TCF4: variants seen among roughly 807,000 people sequenced by gnomAD.
TCF4 encodes SL3-3 enhancer factor 2.
A neutral mutation model predicts 82.1 loss-of-function variants in TCF4; 3 were observed. That is an observed-to-expected ratio of 0.04 (90% CI 0.02 to 0.09). The LOEUF is 0.09. TCF4 is among the 10% of genes least tolerant of loss of function. The pLI, the probability that TCF4 is intolerant of heterozygous loss-of-function variation, is 1.00. For synonymous variants in TCF4, 276 were observed against 309.6 expected, an observed-to-expected ratio of 0.89 and a Z score of 1.14; for missense variants, 518 against 852.7, an observed-to-expected ratio of 0.61 and a Z score of 4.89.
At chr18:55,399,761 G>A (rs984345220) in intron 6 of TCF4, among the ~76,000 whole-genome samples, 2 of 151,968 alleles carry the variant, frequency 1.3e-5, no homozygotes, top group African/African-American at 4.8e-5. Context: ...AACCTGGGGA[G>A]TTGTCAGAAA....
intron 8 of TCF4, among the ~76,000 whole-genome samples, 179 bp downstream of exon 8, chr18:55,350,180 A>C (rs2082035586): frequency 6.6e-6 from 1 of 152,160 alleles, no homozygotes; most frequent in South Asian, 2.1e-4. Flanking sequence ...CAGGATGTGC[A>C]ATTAATCACT....
intron 6 of TCF4, among the ~76,000 whole-genome samples, chr18:55,367,557 A>G (rs1455273994): frequency 6.6e-6 from 1 of 152,234 alleles, no homozygotes. Flanking sequence ...TGTACAACCT[A>G]TAAGGTAATT....
At chr18:55,274,889 G>C (rs541131162) in intron 10 of TCF4, among the ~76,000 whole-genome samples, 3 of 152,234 alleles carry the variant, frequency 2.0e-5, no homozygotes, top group East Asian at 3.9e-4. Context: ...AGTCAGCTGA[G>C]TTGTTTCCTC....
chr18:55,261,928 C>T (rs1384387659), intron 11 of TCF4, among the ~76,000 whole-genome samples: 2 of 152,178 alleles, frequency 1.3e-5, no homozygotes, highest in Non-Finnish European at 2.9e-5. Context: ...CAAATAACTT[C>T]CATCTGTTTT....
Position 55,588,049 on chromosome 18 carries a change from G to T in TCF4, c.-32C>A. On this transcript the variant is annotated 5_prime_UTR_variant, in exon 1 of 20. Transcript: ENST00000354452. ...GCGCCGGTACCTACCGCCCGCGCGCGAGAAGGGGCTCTCCGTGCACCGCCG... is the reference window on the plus strand; with the variant it reads ...GCGCCGGTACCTACCGCCCGCGCGCTAGAAGGGGCTCTCCGTGCACCGCCG... The T allele has an allele frequency of 3.1e-6, 3 of 983,436 alleles. No homozygotes were observed. The highest frequency in any genetic ancestry group is 3.6e-6 in the Non-Finnish European group (3 of 829,374). The allele number at this position is 983,436 out of a possible 1,614,324, so 60.9% of individuals were successfully genotyped here.
intron 8 of TCF4, among the ~76,000 whole-genome samples, chr18:55,299,281 G>A (rs1239744988): frequency 6.6e-6 from 1 of 151,954 alleles, no homozygotes; most frequent in Non-Finnish European, 1.5e-5. Context: ...GTGTGGTGGT[G>A]GACACCTGTA....
intron 6 of TCF4, among the ~76,000 whole-genome samples, chr18:55,357,145 T>A (rs1276102496): frequency 6.6e-6 from 1 of 152,160 alleles, no homozygotes; most frequent in African/African-American, 2.4e-5. Flanking sequence ...GAATATATTA[T>A]TTATTGTATA....
At chr18:55,419,552 T>C (rs573185654) in intron 5 of TCF4, among the ~76,000 whole-genome samples, 8 of 152,218 alleles carry the variant, frequency 5.3e-5, no homozygotes, top group Non-Finnish European at 1.2e-4. Context: ...TATAGGGTTT[T>C]TAAATATACA....
rs149013020 is a variant in TCF4, at chr18:55,493,844, C to T, written c.146-29707G>A. Reference sequence around the variant, plus strand: ...CTACAGTTTCTGTAGACTAGTTAAGCTAGTCCTTAATCCAATTTATTTCCC... The same window carrying T: ...CTACAGTTTCTGTAGACTAGTTAAGTTAGTCCTTAATCCAATTTATTTCCC... On this transcript the variant is annotated intron_variant, in intron 3 of 19. Coordinates refer to ENST00000354452, the MANE Select transcript of TCF4 (RefSeq NM_001083962.2). Among the ~76,000 whole-genome samples, 483 of 152,150 alleles carry T rather than the reference C, an allele frequency of 3.2e-3. 2 individuals are homozygous for T. The highest frequency in any genetic ancestry group is 0.01 in the African/African-American group (430 of 41,524).
At chr18:55,539,521 A>C (rs1205316898) in intron 3 of TCF4, among the ~76,000 whole-genome samples, 1 of 152,188 alleles carries the variant, frequency 6.6e-6, no homozygotes, top group Non-Finnish European at 1.5e-5. Context: ...CCACTTTGTA[A>C]GAACTGTCCC....
chr18:55,501,405 G>A (rs1330464128), intron 3 of TCF4, among the ~76,000 whole-genome samples: 2 of 152,008 alleles, frequency 1.3e-5, no homozygotes, highest in African/African-American at 4.8e-5. Context: ...ATATTAAATG[G>A]TCAAATCAAT....
chr18:55,470,538 G>A (rs2096151723), intron 3 of TCF4, among the ~76,000 whole-genome samples: 1 of 152,166 alleles, frequency 6.6e-6, no homozygotes, highest in Admixed American at 6.5e-5. Flanking sequence ...GTTGTCAGAA[G>A]TTATGTATGC....
rs375011169 is a variant in TCF4, at chr18:55,540,807, G to A, written c.145+44473C>T. On this transcript the variant is annotated intron_variant, in intron 3 of 19. Transcript: ENST00000354452. ...TTGTTTTTTGATATTTCAGGATTTCGTCTTTATCCACAGGCCTTCATTCAG... is the reference window on the plus strand; with the variant it reads ...TTGTTTTTTGATATTTCAGGATTTCATCTTTATCCACAGGCCTTCATTCAG... Among the ~76,000 whole-genome samples, 20 of 151,982 alleles carry A rather than the reference G, an allele frequency of 1.3e-4. No individual in the cohort carries two copies. The East Asian group carries it at 1.5e-3, about 12-fold the overall frequency.
intron 8 of TCF4, among the ~76,000 whole-genome samples, chr18:55,287,307 C>A (rs2063916689): frequency 6.6e-6 from 1 of 152,172 alleles, no homozygotes; most frequent in Non-Finnish European, 1.5e-5. Flanking sequence ...TATCTATACA[C>A]CCCATCACAA....
chr18:55,635,101 G>A (rs1293882273), intron 1 of TCF4, among the ~76,000 whole-genome samples: 1 of 152,168 alleles, frequency 6.6e-6, no homozygotes, highest in Non-Finnish European at 1.5e-5. Context: ...GAGGAACCAT[G>A]GATTATGAAT....
At chr18:55,430,557 A>G (rs2095157131) in intron 5 of TCF4, among the ~76,000 whole-genome samples, 2 of 152,186 alleles carry the variant, frequency 1.3e-5, no homozygotes, top group African/African-American at 4.8e-5. Flanking sequence ...CTGAGCAATG[A>G]CATTAAGGAA....
Position 55,416,489 on chromosome 18 carries a change from C to G in TCF4, c.305-12971G>C, listed in dbSNP as rs141754613. On this transcript the variant is annotated intron_variant, in intron 5 of 19. Coordinates refer to ENST00000354452, the MANE Select transcript of TCF4 (RefSeq NM_001083962.2). ...TTAGCCAAAAGGCTAAGAAGCGATTCCTAAATGATCATTTCAACCTCACCT... is the reference window on the plus strand; with the variant it reads ...TTAGCCAAAAGGCTAAGAAGCGATTGCTAAATGATCATTTCAACCTCACCT... Among the ~76,000 whole-genome samples, 12 of 152,280 alleles carry G rather than the reference C, an allele frequency of 7.9e-5. No individual in the cohort carries two copies. The East Asian group carries it at 2.3e-3, about 29-fold the overall frequency.
chr18:55,586,135 A>AAGGAGGAGGAGG lies in TCF4; in HGVS notation c.73-795_73-784dup, dbSNP rs1200526242. The AAGGAGGAGGAGG allele has an allele frequency of 6.2e-6, 8 of 1,297,784 alleles. 1 individual carries two copies. Among genetic ancestry groups the AAGGAGGAGGAGG allele is most frequent in the Non-Finnish European group, 7.2e-6 (7 of 978,322 alleles). The allele number at this position is 1,297,784 out of a possible 1,614,324, so 80.4% of individuals were successfully genotyped here. On this transcript the variant is annotated intron_variant, in intron 2 of 19. Transcript: ENST00000354452. ...TCTAGAAGAGGAGGAGGAGGAGGAGAAGGAGGAGGAGGAGGAGGAGCAGCA... is the reference window on the plus strand; with the variant it reads ...TCTAGAAGAGGAGGAGGAGGAGGAGAAGGAGGAGGAGGAGGAGGAGGAGGAGGAGGAGCAGCA...
chr18:55,632,353 T>TA (rs2097732426), intron 1 of TCF4, among the ~76,000 whole-genome samples: 1 of 152,214 alleles, frequency 6.6e-6, no homozygotes, highest in Non-Finnish European at 1.5e-5. Flanking sequence ...TTCTTTAGGT[T>TA]AATTTTTGTC....
Sources: gnomAD v4.1 joint callset for allele counts (sites outside exome capture counted in the v4.1 genomes callset) on GRCh38, gnomAD v4.1.1 for gene constraint, MANE v1.5 for transcripts, NCBI Gene and HGNC (gene_info 2026-07-23, HGNC 2026-07-21) for gene names.